PIP5K1B: variants seen among roughly 807,000 people sequenced by gnomAD.
The protein encoded by PIP5K1B is phosphatidylinositol-4-phosphate 5-kinase type 1 beta, also known as phosphatidylinositol 4-phosphate 5-kinase type-1 beta.
Under a neutral mutation model 67.0 loss-of-function variants are expected in PIP5K1B, and 42 were observed. The ratio of observed to expected loss-of-function variants is 0.63; its 90% CI spans 0.49 to 0.81. PIP5K1B has a LOEUF of 0.81. Among genes scored for constraint, PIP5K1B ranks in the 30% least tolerant of loss-of-function variants. PIP5K1B has a pLI of 0.00. For missense variants in PIP5K1B, 459 were observed against 646.3 expected (o/e 0.71, Z 3.14); for synonymous variants, 214 against 231.4 (o/e 0.92, Z 0.68).
intron 1 of PIP5K1B, among the ~76,000 whole-genome samples, chr9:68,720,356 C>T (rs527781716): frequency 1.2e-4 from 18 of 152,320 alleles, no homozygotes; most frequent in African/African-American, 2.6e-4. Flanking sequence ...AATAACCCCA[C>T]GCCCCATGGT....
chr9:68,980,541 G>A, intron 14 of PIP5K1B, among the ~76,000 whole-genome samples: 1 of 152,198 alleles, frequency 6.6e-6, no homozygotes, highest in East Asian at 1.9e-4. Context: ...TAAGAGTCCT[G>A]TTGATACTCC....
intron 11 of PIP5K1B, among the ~76,000 whole-genome samples, chr9:68,920,795 C>T (rs2132531223): frequency 7.0e-6 from 1 of 142,562 alleles, no homozygotes; most frequent in East Asian, 2.4e-4. Context: ...CACACACATA[C>T]ACACACATAC....
At chr9:68,969,859 CAA>C (rs1332908396) in intron 14 of PIP5K1B, among the ~76,000 whole-genome samples, 2 of 152,038 alleles carry the variant, frequency 1.3e-5, no homozygotes, top group Non-Finnish European at 2.9e-5. Flanking sequence ...TTCAGAAGAA[CAA>C]AAGAGAATGT....
chr9:69,000,811 C>T (rs563604305), intron 15 of PIP5K1B, among the ~76,000 whole-genome samples: 16 of 152,034 alleles, frequency 1.1e-4, no homozygotes, highest in African/African-American at 2.9e-4. Context: ...CAGTTTAGCC[C>T]GTAACAGCTA....
At chr9:68,844,842 G>A (rs761188377) in intron 4 of PIP5K1B, among the ~76,000 whole-genome samples, 57 of 152,108 alleles carry the variant, frequency 3.7e-4, no homozygotes, top group Non-Finnish European at 7.1e-4. Context: ...AAAAATGACT[G>A]CCTGTTCTCC....
intron 14 of PIP5K1B, among the ~76,000 whole-genome samples, chr9:68,942,920 A>C (rs1827634596): frequency 2.0e-5 from 3 of 152,256 alleles, no homozygotes; most frequent in Middle Eastern, 3.4e-3. Flanking sequence ...AGTCTGTGGA[A>C]AGGCAGTGGG....
At chr9:68,736,500 A>G (rs1828743109) in intron 1 of PIP5K1B, among the ~76,000 whole-genome samples, 1 of 152,202 alleles carries the variant, frequency 6.6e-6, no homozygotes, top group African/African-American at 2.4e-5. Flanking sequence ...ATGGAATGGC[A>G]TAAAAGGATA....
chr9:68,844,141 G>A lies in PIP5K1B; in HGVS notation c.70-19696G>A, dbSNP rs567091140. Reference sequence around the variant, plus strand: ...TAAACAAGAGAGAGGCCTTACAGTAGGGGTTATGTGTCCATAGGCTCATGG... The same window carrying A: ...TAAACAAGAGAGAGGCCTTACAGTAAGGGTTATGTGTCCATAGGCTCATGG... On this transcript the variant is annotated intron_variant, in intron 4 of 15. Transcript: ENST00000265382. 1.4e-3 allele frequency among the ~76,000 whole-genome samples: 216 copies of A among 152,354 alleles called. 2 individuals are homozygous for A. Among genetic ancestry groups the A allele is most frequent in the Non-Finnish European group, 1.7e-3 (114 of 68,032 alleles).
intron 1 of PIP5K1B, among the ~76,000 whole-genome samples, chr9:68,726,372 C>T (rs985175475): frequency 4.6e-5 from 7 of 152,102 alleles, no homozygotes; most frequent in African/African-American, 1.7e-4. Context: ...ATGAGGGAAA[C>T]TCATAGAGTA....
intron 2 of PIP5K1B, among the ~76,000 whole-genome samples, chr9:68,767,414 T>G (rs934843348): frequency 1.3e-5 from 2 of 151,834 alleles, no homozygotes; most frequent in African/African-American, 2.4e-5. Context: ...ACCAACATGG[T>G]GAAACCGCGT....
chr9:68,945,682 A>G (rs1587703511), intron 14 of PIP5K1B, among the ~76,000 whole-genome samples: 3 of 152,354 alleles, frequency 2.0e-5, no homozygotes, highest in African/African-American at 7.2e-5. Flanking sequence ...TAAAGTTATT[A>G]TATTTACGGT....
At chr9:68,806,154 T>G (rs1467563552) in intron 2 of PIP5K1B, among the ~76,000 whole-genome samples, 1 of 152,220 alleles carries the variant, frequency 6.6e-6, no homozygotes, top group East Asian at 1.9e-4. Context: ...CAAGTGTCCC[T>G]CCTTGGTTCC....
chr9:68,906,647 T>A (rs928089119), intron 8 of PIP5K1B, among the ~76,000 whole-genome samples: 1 of 152,216 alleles, frequency 6.6e-6, no homozygotes, highest in African/African-American at 2.4e-5. Flanking sequence ...AATATCTTCA[T>A]CCAGCCTTAA....
chr9:68,912,482 C>CG (rs2132490705), intron 8 of PIP5K1B, among the ~76,000 whole-genome samples: 1 of 152,116 alleles, frequency 6.6e-6, no homozygotes, highest in Admixed American at 6.6e-5. Flanking sequence ...TCATAGGGAT[C>CG]GATTCTGCAG....
chr9:68,862,017 A>C (rs1823109831), intron 4 of PIP5K1B, among the ~76,000 whole-genome samples: 1 of 152,124 alleles, frequency 6.6e-6, no homozygotes, highest in East Asian at 1.9e-4. Flanking sequence ...AAACACGAAG[A>C]CATTTTTCTA....
At chr9:68,938,433 T>C (rs1428697126) in intron 13 of PIP5K1B, among the ~76,000 whole-genome samples, 1 of 152,214 alleles carries the variant, frequency 6.6e-6, no homozygotes, top group Non-Finnish European at 1.5e-5. Flanking sequence ...CTGCCATTTT[T>C]TTTTTCCATT....
At chr9:68,813,312 G>A (rs1210698304) in intron 2 of PIP5K1B, among the ~76,000 whole-genome samples, 2 of 152,314 alleles carry the variant, frequency 1.3e-5, no homozygotes, top group Non-Finnish European at 1.5e-5. Context: ...ATGTGACTAC[G>A]AAGTCCAAAT....
At chr9:68,928,757 T>G (rs573467452) in intron 12 of PIP5K1B, among the ~76,000 whole-genome samples, 1 of 152,334 alleles carries the variant, frequency 6.6e-6, no homozygotes, top group South Asian at 2.1e-4. Flanking sequence ...GGAAAGGTGA[T>G]TCCTATCTAC....
chr9:68,919,850 ACTCAGAAT>A (rs1826276715), intron 11 of PIP5K1B, 121 bp downstream of exon 11: 3 of 573,452 alleles, frequency 5.2e-6, no homozygotes, highest in Admixed American at 6.9e-5. Flanking sequence ...GTCTTTATAA[ACTCAGAAT>A]CTTAGGTTAG....
Sources: allele counts gnomAD v4.1 joint callset (sites outside exome capture counted in the v4.1 genomes callset), GRCh38; gene constraint gnomAD v4.1.1; transcripts MANE v1.5; gene names NCBI Gene and HGNC (gene_info 2026-07-23, HGNC 2026-07-21).